The following SMG5 variants were observed in gnomAD, a reference collection of about 807,000 sequenced individuals.
SMG5 encodes the protein nonsense-mediated mRNA decay factor SMG5.
A neutral mutation model predicts 122.9 loss-of-function variants in SMG5; 53 were observed. That is an observed-to-expected ratio of 0.43 (90% CI 0.35 to 0.54). SMG5 has a LOEUF of 0.54. Among genes scored for constraint, SMG5 ranks in the 20% least tolerant of loss-of-function variants. The pLI, the probability that SMG5 is intolerant of heterozygous loss-of-function variation, is 0.01. For missense variants in SMG5, 1,153 were observed against 1,285.6 expected (o/e 0.90, Z 1.58); for synonymous variants, 477 against 490.2 (o/e 0.97, Z 0.35).
Position 156,249,795 on chromosome 1 carries a change from C to T in SMG5, c.*792G>A, listed in dbSNP as rs902309469. ...ATCCCATTCTGTCCCAGCACAGCAG[C>T]CAAGAGCACAAAGCACAGCACCTGT... On this transcript the variant is annotated 3_prime_UTR_variant, in exon 22 of 22. Transcript: ENST00000361813. 1 of 471,104 alleles carries T rather than the reference C, an allele frequency of 2.1e-6. No individual in the cohort carries two copies. Among genetic ancestry groups the T allele is most frequent in the African/African-American group, 2.0e-5 (1 of 50,082 alleles). 29.2% of individuals were successfully genotyped at this position (471,104 alleles called of 1,614,324 possible). A position where few individuals can be genotyped will look rare whatever the true frequency, so the allele number is the denominator to read the frequency against.
In SMG5 at chr1:156,250,021, C is replaced by T. The variant is rs1661266531; in HGVS notation, c.*566G>A. 2.3e-6 allele frequency: 1 copy of T among 442,126 alleles called. No homozygotes were observed. The highest frequency in any genetic ancestry group is 2.0e-5 in the African/African-American group (1 of 49,604). The allele number at this position is 442,126 out of a possible 1,614,324, so 27.4% of individuals were successfully genotyped here. ...TCGGTGCAGGCCACTCCAGGCCTTG[C>T]TTCTCTAACAGCCCCTGTGGCTGGC... On this transcript the variant is annotated 3_prime_UTR_variant, in exon 22 of 22. Coordinates refer to ENST00000361813, the MANE Select transcript of SMG5 (RefSeq NM_015327.3).
At position 156,278,956 on chromosome 1, in the gene SMG5, TTC is replaced by T; in HGVS notation, c.151_152del (p.Glu51LysfsTer3). 1 of 1,614,136 alleles carries T rather than the reference TTC, an allele frequency of 6.2e-7. No homozygotes were observed. Among genetic ancestry groups the T allele is most frequent in the Non-Finnish European group, 8.5e-7 (1 of 1,179,986 alleles). On this transcript the variant is annotated frameshift_variant, in exon 2 of 22. Transcript: ENST00000361813. LOFTEE classifies it high-confidence loss of function. ...KTAYQEVFKP[E>X]NISLRNKLRE... ...CTTACTTGTTCCTCAGGCTAATGTT[TTC>T]TGGTTTGAATACTTCTTGATAAGCA...
intron 16 of SMG5, among the ~76,000 whole-genome samples, chr1:156,256,772 T>C (rs1306136689): frequency 6.6e-6 from 1 of 152,116 alleles, no homozygotes; most frequent in African/African-American, 2.4e-5. Flanking sequence ...TAGTGCCCAC[T>C]TGGCCTACAG....
Position 156,261,290 on chromosome 1 carries a change from T to G in SMG5, c.2107+43A>C, listed in dbSNP as rs781229321. The G allele has an allele frequency of 5.0e-6, 8 of 1,587,452 alleles. No individual in the cohort carries two copies. In the Admixed American group the frequency reaches 1.2e-4, roughly 23 times the overall value. The stretch of plus-strand genomic sequence containing the variant: ...GGGGAGATGGGCTTAGTGGGGACAA[T>G]GAGAGAGCAAAGAAAGGAGGGTAGT... On this transcript the variant is annotated intron_variant, in intron 14 of 21. Coordinates refer to ENST00000361813, the MANE Select transcript of SMG5 (RefSeq NM_015327.3).
Position 156,273,294 on chromosome 1 carries a change from C to T in SMG5, c.634+67G>A, listed in dbSNP as rs1225335617. ...AAAATGAGTATGAACTGCCTGCCAT[C>T]TCAACAACATCGTCTTCCCTAGGAA... is the stretch of plus-strand genomic sequence containing the variant. On this transcript the variant is annotated intron_variant, in intron 6 of 21. Coordinates refer to ENST00000361813, the MANE Select transcript of SMG5 (RefSeq NM_015327.3). 4 of 1,347,192 alleles carry T rather than the reference C, an allele frequency of 3.0e-6. No individual in the cohort carries two copies. The East Asian group carries it at 9.2e-5, about 31-fold the overall frequency. The allele number at this position is 1,347,192 out of a possible 1,614,324, so 83.5% of individuals were successfully genotyped here.
chr1:156,252,272 C>G, intron 19 of SMG5, 142 bp downstream of exon 19: 1 of 688,688 alleles, frequency 1.5e-6, no homozygotes, highest in Admixed American at 2.6e-5. Flanking sequence ...GGTATCACTC[C>G]CCAGGCAGTG....
intron 16 of SMG5, among the ~76,000 whole-genome samples, chr1:156,257,800 G>A (rs1175950714): frequency 6.6e-6 from 1 of 152,110 alleles, no homozygotes; most frequent in Non-Finnish European, 1.5e-5. Flanking sequence ...CCTGGGACAG[G>A]TGCAAAGGAA....
At chr1:156,256,729 C>A (rs1394929556) in intron 16 of SMG5, among the ~76,000 whole-genome samples, 1 of 152,022 alleles carries the variant, frequency 6.6e-6, no homozygotes, top group Non-Finnish European at 1.5e-5. Context: ...CTTCAGAAGT[C>A]CCATCAGCAG....
At chr1:156,283,861 A>G (rs1317067317), upstream of SMG5, among the ~76,000 whole-genome samples, 3 of 152,182 alleles carry the variant, frequency 2.0e-5, no homozygotes, top group African/African-American at 7.2e-5. Flanking sequence ...GGTCTTTCCT[A>G]TTAAAATTGT....
At chr1:156,268,220 T>G (rs1662245382) in intron 8 of SMG5, 37 bp from the exon 9 acceptor site, 2 of 1,614,076 alleles carry the variant, frequency 1.2e-6, no homozygotes. Flanking sequence ...TGCTGAATGG[T>G]CCCGCAGTCC....
chr1:156,273,222 T>A, intron 6 of SMG5, 139 bp downstream of exon 6: 1 of 684,314 alleles, frequency 1.5e-6, no homozygotes, highest in Non-Finnish European at 2.6e-6. Flanking sequence ...GGAAAAGGTA[T>A]AAACAAGGTG....
chr1:156,285,445 T>C (rs1409034172), upstream of SMG5: 4 of 1,613,836 alleles, frequency 2.5e-6, no homozygotes, highest in Admixed American at 1.7e-5. Flanking sequence ...TAAGTGAGGC[T>C]GCCACCTTGC....
At chr1:156,269,386 G>C (rs1662297379) in intron 7 of SMG5, among the ~76,000 whole-genome samples, 1 of 152,160 alleles carries the variant, frequency 6.6e-6, no homozygotes, top group Admixed American at 6.5e-5. Context: ...GGGATTACAA[G>C]TGTGAGACAC....
At chr1:156,261,524 T>C (rs1196757571) in intron 13 of SMG5, 116 bp from the exon 14 acceptor site, 1 of 789,776 alleles carries the variant, frequency 1.3e-6, no homozygotes, top group Admixed American at 2.8e-5. Flanking sequence ...CCTGTGGGGG[T>C]TTGATTTTAA....
At chr1:156,268,974 T>C (rs1432307460) in intron 7 of SMG5, among the ~76,000 whole-genome samples, 3 of 72,770 alleles carry the variant, frequency 4.1e-5, no homozygotes, top group Admixed American at 2.7e-4. Flanking sequence ...AATCCAACTC[T>C]TTTTTTTTTT....
At chr1:156,278,454 C>G (rs1662787862) in intron 2 of SMG5, among the ~76,000 whole-genome samples, 1 of 151,118 alleles carries the variant, frequency 6.6e-6, no homozygotes, top group Non-Finnish European at 1.5e-5. Flanking sequence ...ACTTGAACCT[C>G]TGGGCTCAAA....
chr1:156,282,924 G>A (rs1663038999), upstream of SMG5: 2 of 552,256 alleles, frequency 3.6e-6, no homozygotes, highest in Non-Finnish European at 3.2e-6. Flanking sequence ...TTTCCCTCCC[G>A]GGAAGTTGCC....
intron 11 of SMG5, 67 bp from the exon 12 acceptor site, chr1:156,266,447 T>A (rs1662148213): frequency 3.1e-6 from 5 of 1,603,024 alleles, no homozygotes; most frequent in Non-Finnish European, 4.3e-6. Flanking sequence ...GAATGTGCTC[T>A]CCAACACCAC....
At chr1:156,286,982 G>A (rs1298769666), upstream of SMG5, among the ~76,000 whole-genome samples, 1 of 152,100 alleles carries the variant, frequency 6.6e-6, no homozygotes, top group African/African-American at 2.4e-5. Flanking sequence ...AATTAGCTGG[G>A]CATGGTGGTG....
Sources: allele counts gnomAD v4.1 joint callset (sites outside exome capture counted in the v4.1 genomes callset), GRCh38; gene constraint gnomAD v4.1.1; transcripts MANE v1.5; gene names NCBI Gene and HGNC (gene_info 2026-07-23, HGNC 2026-07-21).